Variants in SPIRE1 observed in about 807,000 individuals in gnomAD.
SPIRE1 encodes the protein protein spire homolog 1.
A neutral mutation model predicts 94.1 loss-of-function variants in SPIRE1; 40 were observed. The ratio of observed to expected loss-of-function variants is 0.43; its 90% CI spans 0.33 to 0.55. The LOEUF (loss-of-function observed/expected upper bound fraction) is 0.55. Ranked by LOEUF, SPIRE1 falls within the 20% of genes least tolerant of loss-of-function variation. The pLI is 0.06. For synonymous variants in SPIRE1, 376 were observed against 371.7 expected (o/e 1.01, Z -0.13); for missense variants, 838 against 975.2 (o/e 0.86, Z 1.87).
At chr18:12,644,754 CTTCT>C (rs1334881155) in intron 1 of SPIRE1, among the ~76,000 whole-genome samples, 1 of 152,160 alleles carries the variant, frequency 6.6e-6, no homozygotes, top group Non-Finnish European at 1.5e-5. Context: ...TGTTTTAGAA[CTTCT>C]TTATCAATCT....
chr18:12,455,223 C>A (rs983174679), intron 12 of SPIRE1, among the ~76,000 whole-genome samples: 26 of 152,270 alleles, frequency 1.7e-4, no homozygotes, highest in African/African-American at 5.3e-4. Flanking sequence ...CAGGCGTGAG[C>A]CACCATGCCT....
intron 1 of SPIRE1, among the ~76,000 whole-genome samples, chr18:12,645,481 TA>T (rs1024332628): frequency 6.6e-6 from 1 of 152,088 alleles, no homozygotes; most frequent in Non-Finnish European, 1.5e-5. Flanking sequence ...CACCCACACA[TA>T]AAAAGTGGAA....
At chr18:12,535,444 A>G (rs1432787349) in intron 4 of SPIRE1, 32 bp downstream of exon 4, 1 of 1,586,512 alleles carries the variant, frequency 6.3e-7, no homozygotes, top group Non-Finnish European at 8.6e-7. Flanking sequence ...CAATCAAACA[A>G]TGCCAATAAA....
chr18:12,569,981 A>G (rs1168763577), intron 2 of SPIRE1, among the ~76,000 whole-genome samples: 1 of 152,232 alleles, frequency 6.6e-6, no homozygotes, highest in African/African-American at 2.4e-5. Flanking sequence ...CACAGATGGA[A>G]CTGCTTGTTC....
chr18:12,548,951 T>TA (rs1370821355), intron 2 of SPIRE1, among the ~76,000 whole-genome samples: 2 of 152,196 alleles, frequency 1.3e-5, no homozygotes, highest in African/African-American at 4.8e-5. Context: ...ATGGATCTTC[T>TA]AAGTTCCAAG....
At chr18:12,634,845 G>A (rs553339433) in intron 2 of SPIRE1, among the ~76,000 whole-genome samples, 1 of 151,544 alleles carries the variant, frequency 6.6e-6, no homozygotes, top group African/African-American at 2.4e-5. Context: ...TGAGGCGGGA[G>A]AATCGCTTGA....
rs150914066 is a variant in SPIRE1 at position 12,482,334 on chromosome 18, G to A, written c.1232-2463C>T. On this transcript the variant is annotated intron_variant, in intron 9 of 16. Coordinates refer to ENST00000409402, the MANE Select transcript of SPIRE1 (RefSeq NM_001128626.2). ...ATTTTTTTGTATTTTTAGTAGAGTC[G>A]AGGTTTCGCCATGTTGGCCAGGATG... Among the ~76,000 whole-genome samples the A allele has an allele frequency of 4.5e-3, 687 of 152,082 alleles. 4 individuals carry two copies. The highest frequency in any genetic ancestry group is 0.014 in the African/African-American group (567 of 41,472).
At chr18:12,524,045 G>A (rs1041182948) in intron 4 of SPIRE1, among the ~76,000 whole-genome samples, 4 of 152,094 alleles carry the variant, frequency 2.6e-5, no homozygotes, top group Admixed American at 1.3e-4. Flanking sequence ...AAATTTGTAT[G>A]ACTTGCTTTA....
At chr18:12,479,150 C>T (rs1785363) in intron 10 of SPIRE1, among the ~76,000 whole-genome samples, 54,564 of 148,158 alleles carry the variant, frequency 0.37, 12,811 homozygotes, top group African/African-American at 0.67. Flanking sequence ...TGTGTGTATA[C>T]ATATATGTAT....
At chr18:12,522,831 A>T (rs1051348932) in intron 4 of SPIRE1, among the ~76,000 whole-genome samples, 55 of 152,094 alleles carry the variant, frequency 3.6e-4, no homozygotes, top group African/African-American at 1.3e-3. Flanking sequence ...AAATATTACC[A>T]CTCATTGACA....
intron 3 of SPIRE1, among the ~76,000 whole-genome samples, chr18:12,539,562 C>T (rs1457458917): frequency 6.6e-6 from 1 of 150,716 alleles, no homozygotes; most frequent in Non-Finnish European, 1.5e-5. Flanking sequence ...ATCTCAGACC[C>T]TTAAACATAC....
At chr18:12,576,291 A>G (rs922167528) in intron 2 of SPIRE1, among the ~76,000 whole-genome samples, 1 of 152,132 alleles carries the variant, frequency 6.6e-6, no homozygotes, top group Non-Finnish European at 1.5e-5. Context: ...GATGACTTAC[A>G]CTACCTAATT....
At chr18:12,630,774 G>T (rs1248764579) in intron 2 of SPIRE1, among the ~76,000 whole-genome samples, 1 of 152,198 alleles carries the variant, frequency 6.6e-6, no homozygotes, top group Non-Finnish European at 1.5e-5. Context: ...ACCTAACAAG[G>T]CCTCTCTGAA....
chr18:12,479,132 T>C (rs754549298), intron 10 of SPIRE1, among the ~76,000 whole-genome samples: 18 of 148,684 alleles, frequency 1.2e-4, no homozygotes, highest in Non-Finnish European at 2.1e-4. Context: ...ACTACATATA[T>C]GTGTGTGTGT....
At chr18:12,493,659 A>G (rs1302638139) in intron 7 of SPIRE1, among the ~76,000 whole-genome samples, 1 of 152,134 alleles carries the variant, frequency 6.6e-6, no homozygotes. Flanking sequence ...CACCCTCCTC[A>G]GTCTCCCAAA....
chr18:12,473,242 C>T (rs1171674567), intron 10 of SPIRE1, among the ~76,000 whole-genome samples: 1 of 151,956 alleles, frequency 6.6e-6, no homozygotes, highest in Non-Finnish European at 1.5e-5. Flanking sequence ...TTCTTTAAGG[C>T]ACTTAGCAGT....
intron 2 of SPIRE1, among the ~76,000 whole-genome samples, chr18:12,611,149 C>G (rs2037129946): frequency 6.6e-6 from 1 of 152,070 alleles, no homozygotes; most frequent in Non-Finnish European, 1.5e-5. Context: ...AAAAAACTTG[C>G]TAGGGTCCCA....
intron 1 of SPIRE1, among the ~76,000 whole-genome samples, chr18:12,635,887 T>A (rs138412587): frequency 6.6e-6 from 1 of 150,398 alleles, no homozygotes; most frequent in Non-Finnish European, 1.5e-5. Context: ...GTTTTTTTGG[T>A]TTTTTTTGTT....
chr18:12,549,439 G>GTTTTTGTTTTTTTT (rs2035276408), intron 2 of SPIRE1, among the ~76,000 whole-genome samples: 1 of 41,248 alleles, frequency 2.4e-5, no homozygotes, highest in African/African-American at 1.2e-4. Context: ...TGTTATTGTT[G>GTTTTTGTTTTTTTT]TTTTTTTTTT....
Sources: allele counts gnomAD v4.1 joint callset (sites outside exome capture counted in the v4.1 genomes callset), GRCh38; gene constraint gnomAD v4.1.1; transcripts MANE v1.5; gene names NCBI Gene and HGNC (gene_info 2026-07-23, HGNC 2026-07-21).